The following C12orf42 variants were observed in gnomAD, a reference collection of about 807,000 sequenced individuals.
C12orf42 encodes the protein chromosome 12 open reading frame 42.
A neutral mutation model predicts 21.6 loss-of-function variants in C12orf42; 25 were observed. The ratio of observed to expected loss-of-function variants is 1.16; its 90% CI spans 0.84 to 1.62. The LOEUF (loss-of-function observed/expected upper bound fraction) is 1.62. C12orf42 is among the 40% of genes most tolerant of loss of function. C12orf42 has a pLI of 0.00. For synonymous variants in C12orf42, 174 were observed against 175.0 expected, an observed-to-expected ratio of 0.99 and a Z score of 0.05; for missense variants, 483 against 459.3, an observed-to-expected ratio of 1.05 and a Z score of -0.47.
At chr12:103,438,997 A>C (rs182636383) in intron 2 of C12orf42, among the ~76,000 whole-genome samples, 9 of 152,288 alleles carry the variant, frequency 5.9e-5, no homozygotes, top group African/African-American at 2.2e-4. Flanking sequence ...ACACTACCTG[A>C]CTTCAAACTA....
At chr12:103,187,303 G>T in the C12orf42 span, among the ~76,000 whole-genome samples, 2 of 152,114 alleles carry the variant, frequency 1.3e-5, no homozygotes, top group African/African-American at 4.8e-5. Context: ...ACAATTAACT[G>T]CCTTACAGAA....
chr12:103,101,267 C>T, the C12orf42 span, among the ~76,000 whole-genome samples: 1 of 152,128 alleles, frequency 6.6e-6, no homozygotes, highest in South Asian at 2.1e-4. Flanking sequence ...AAAAACTGTT[C>T]TAGTGAAAGG....
chr12:103,523,963 C>T, the C12orf42 span, among the ~76,000 whole-genome samples: 1 of 152,164 alleles, frequency 6.6e-6, no homozygotes, highest in South Asian at 2.1e-4. Flanking sequence ...ATGTTGGGGA[C>T]ATGTGGGGAC....
At chr12:103,475,390 G>T (rs896248799) in intron 2 of C12orf42, among the ~76,000 whole-genome samples, 2 of 152,218 alleles carry the variant, frequency 1.3e-5, no homozygotes, top group African/African-American at 2.4e-5. Flanking sequence ...TTGGACCAAA[G>T]ATGAAGAAAT....
At chr12:103,099,736 C>A in the C12orf42 span, among the ~76,000 whole-genome samples, 1 of 152,138 alleles carries the variant, frequency 6.6e-6, no homozygotes, top group African/African-American at 2.4e-5. Flanking sequence ...GTATTTCAAG[C>A]AAATAGGACC....
At chr12:103,266,493 C>T (rs533487436), downstream of C12orf42, among the ~76,000 whole-genome samples, 2 of 152,002 alleles carry the variant, frequency 1.3e-5, no homozygotes, top group African/African-American at 4.8e-5. Context: ...TATATTTGTA[C>T]CCCTTGTGGT....
intron 5 of C12orf42, among the ~76,000 whole-genome samples, chr12:103,303,700 T>C (rs2136489117): frequency 6.6e-6 from 1 of 152,334 alleles, no homozygotes; most frequent in East Asian, 1.9e-4. Context: ...AGCACCTCCC[T>C]CTGCACATTC....
chr12:103,281,033 T>G (rs896854871), intron 4 of C12orf42, among the ~76,000 whole-genome samples: 1 of 152,262 alleles, frequency 6.6e-6, no homozygotes, highest in Non-Finnish European at 1.5e-5. Flanking sequence ...GCATCTAAAC[T>G]GACAGTTGAA....
chr12:103,114,333 A>G, the C12orf42 span, among the ~76,000 whole-genome samples: 1 of 152,198 alleles, frequency 6.6e-6, no homozygotes, highest in Non-Finnish European at 1.5e-5. Context: ...GCGTGGCCTA[A>G]AGAGAAGGGC....
the C12orf42 span, among the ~76,000 whole-genome samples, chr12:103,526,384 G>A: frequency 2.0e-5 from 3 of 152,178 alleles, no homozygotes; most frequent in Non-Finnish European, 4.4e-5. Context: ...CATTGCACGA[G>A]TTGTCTGGTT....
chr12:103,184,282 C>T, the C12orf42 span, among the ~76,000 whole-genome samples: 2 of 152,072 alleles, frequency 1.3e-5, no homozygotes, highest in African/African-American at 2.4e-5. Context: ...ATGGACTAAC[C>T]TTTATATCAT....
At chr12:103,460,651 T>C (rs1952637750) in intron 2 of C12orf42, among the ~76,000 whole-genome samples, 1 of 152,112 alleles carries the variant, frequency 6.6e-6, no homozygotes, top group African/African-American at 2.4e-5. Flanking sequence ...GGGCTCAGCT[T>C]TGGGCACTTA....
At chr12:103,314,171 T>TGGAG (rs1293912543) in intron 4 of C12orf42, among the ~76,000 whole-genome samples, 7 of 151,198 alleles carry the variant, frequency 4.6e-5, no homozygotes, top group Admixed American at 1.3e-4. Context: ...CCCAGATGGA[T>TGGAG]GGAGGGAAAG....
At chr12:103,107,169 A>G in the C12orf42 span, among the ~76,000 whole-genome samples, 1 of 152,072 alleles carries the variant, frequency 6.6e-6, no homozygotes, top group African/African-American at 2.4e-5. Context: ...CACGGTTTGC[A>G]GTTTTCACAT....
the C12orf42 span, among the ~76,000 whole-genome samples, chr12:103,055,233 A>G: frequency 3.3e-5 from 5 of 152,086 alleles, no homozygotes; most frequent in African/African-American, 1.2e-4. Context: ...ACATTATAAA[A>G]TAAGTTGTCT....
At chr12:103,219,547 C>G in the C12orf42 span, among the ~76,000 whole-genome samples, 1 of 152,096 alleles carries the variant, frequency 6.6e-6, no homozygotes, top group Non-Finnish European at 1.5e-5. Flanking sequence ...CTACAAGGAA[C>G]ATAAACAAAT....
intron 2 of C12orf42, among the ~76,000 whole-genome samples, chr12:103,435,468 A>T (rs1278703057): frequency 1.3e-5 from 2 of 152,246 alleles, no homozygotes; most frequent in African/African-American, 4.8e-5. Context: ...ATGGGAGGAC[A>T]TCCAAACCAA....
chr12:103,490,198 C>A (rs1231405024), intron 1 of C12orf42, among the ~76,000 whole-genome samples: 1 of 152,140 alleles, frequency 6.6e-6, no homozygotes, highest in Non-Finnish European at 1.5e-5. Context: ...TTCTGTATTG[C>A]CATTAAAATT....
intron 5 of C12orf42, among the ~76,000 whole-genome samples, chr12:103,270,559 AT>A (rs1046498134): frequency 3.0e-5 from 4 of 134,054 alleles, no homozygotes; most frequent in Admixed American, 2.2e-4. Flanking sequence ...TCAATATTTT[AT>A]TTTATTTATT....
Sources: allele counts gnomAD v4.1 joint callset (sites outside exome capture counted in the v4.1 genomes callset), GRCh38; gene constraint gnomAD v4.1.1; transcripts MANE v1.5; gene names NCBI Gene and HGNC (gene_info 2026-07-23, HGNC 2026-07-21).